Variants in CADPS observed in about 807,000 individuals in gnomAD.
CADPS encodes the protein calcium dependent secretion activator.
A neutral mutation model predicts 167.3 loss-of-function variants in CADPS; 57 were observed. That is an observed-to-expected ratio of 0.34 (90% confidence interval 0.28 to 0.42). The LOEUF (loss-of-function observed/expected upper bound fraction) is 0.42, where lower values mean the gene tolerates loss of function less well. CADPS is among the 20% of genes least tolerant of loss of function. The pLI is 1.00. For synonymous variants in CADPS, 676 were observed against 635.3 expected (o/e 1.06, Z -0.96); for missense variants, 1,414 against 1,738.1 (o/e 0.81, Z 3.32).
intron 4 of CADPS, among the ~76,000 whole-genome samples, chr3:62,660,592 C>G (rs893713423): frequency 1.3e-5 from 2 of 152,160 alleles, no homozygotes; most frequent in South Asian, 4.1e-4. Context: ...TCTGGCTTCT[C>G]CTCCAGTAGG....
At chr3:62,862,798 C>T (rs1189937682) in intron 1 of CADPS, among the ~76,000 whole-genome samples, 1 of 152,220 alleles carries the variant, frequency 6.6e-6, no homozygotes, top group Non-Finnish European at 1.5e-5. Flanking sequence ...GCCATTCTTA[C>T]TGTAAATTCA....
rs138306775 is a variant in CADPS at position 62,592,241 on chromosome 3, T to G, written c.1437+396A>C. 6.6e-5 allele frequency among the ~76,000 whole-genome samples: 10 copies of G among 152,334 alleles called. No individual in the cohort carries two copies. In the East Asian group the frequency reaches 1.9e-3, roughly 29 times the overall value. The stretch of plus-strand genomic sequence containing the variant: ...TTGAAGTTTTTTATTATTAATTTAC[T>G]TCCTTTTGTTTCTCTCTTATGTCAT... On this transcript the variant is annotated intron_variant, in intron 7 of 29. Coordinates refer to ENST00000383710, the MANE Select transcript of CADPS (RefSeq NM_003716.4).
intron 3 of CADPS, among the ~76,000 whole-genome samples, chr3:62,728,151 G>T (rs473942): frequency 1.3e-5 from 2 of 151,244 alleles, no homozygotes; most frequent in Non-Finnish European, 2.9e-5. Flanking sequence ...AAGTAATTGC[G>T]GTTTTTGCAA....
Position 62,456,524 on chromosome 3 carries a change from C to T in CADPS, c.3636+8843G>A, listed in dbSNP as rs148728262. ...TAGAAAAGTGTGAAAGACAAACAAG[C>T]ACCAAATGGAAACTTTCTTCTTGAC... On this transcript the variant is annotated intron_variant, in intron 26 of 29. Coordinates refer to ENST00000383710, the MANE Select transcript of CADPS (RefSeq NM_003716.4). Among the ~76,000 whole-genome samples the T allele has an allele frequency of 4.3e-3, 658 of 152,092 alleles. 6 individuals are homozygous for T. The highest frequency in any genetic ancestry group is 0.015 in the African/African-American group (620 of 41,504).
intron 6 of CADPS, among the ~76,000 whole-genome samples, chr3:62,614,598 A>G (rs1351321055): frequency 4.6e-5 from 7 of 152,154 alleles, no homozygotes; most frequent in African/African-American, 1.7e-4. Context: ...TCTTGTAAAC[A>G]TTTACGTTTG....
intron 23 of CADPS, among the ~76,000 whole-genome samples, chr3:62,474,903 T>A (rs534916819): frequency 3.3e-5 from 5 of 152,210 alleles, no homozygotes; most frequent in African/African-American, 1.2e-4. Context: ...CATAAAAAGG[T>A]AATACATCAA....
At chr3:62,729,188 C>T (rs1354678731) in intron 3 of CADPS, among the ~76,000 whole-genome samples, 1 of 151,812 alleles carries the variant, frequency 6.6e-6, no homozygotes, top group Non-Finnish European at 1.5e-5. Context: ...TTTCTTAGGA[C>T]CCAAATTGAT....
intron 2 of CADPS, among the ~76,000 whole-genome samples, chr3:62,763,404 T>A (rs958875191): frequency 6.6e-6 from 1 of 152,286 alleles, no homozygotes; most frequent in Non-Finnish European, 1.5e-5. Context: ...AAGATACCCA[T>A]CCCGCTGGTA....
intron 1 of CADPS, among the ~76,000 whole-genome samples, chr3:62,798,038 G>A (rs1052434901): frequency 1.3e-5 from 2 of 152,178 alleles, no homozygotes; most frequent in Admixed American, 6.5e-5. Flanking sequence ...GGATACAAAA[G>A]TGAGTATGAA....
At chr3:62,715,572 T>A (rs4688328) in intron 3 of CADPS, among the ~76,000 whole-genome samples, 96,282 of 150,228 alleles carry the variant, frequency 0.64, 31,219 homozygotes, top group East Asian at 0.77. Context: ...AATACTATAA[T>A]ACTTGCAGAT....
At chr3:62,754,863 C>T (rs2083502435) in intron 2 of CADPS, among the ~76,000 whole-genome samples, 3 of 152,108 alleles carry the variant, frequency 2.0e-5, no homozygotes, top group Admixed American at 1.3e-4. Context: ...CTATTTGTAC[C>T]TCCTTTTATC....
intron 7 of CADPS, 45 bp from the exon 8 acceptor site, chr3:62,585,369 T>C (rs1256295166): frequency 1.8e-5 from 28 of 1,572,758 alleles, no homozygotes; most frequent in Non-Finnish European, 2.2e-5. Context: ...GAAGCACCAT[T>C]ATGTTTTTAT....
At chr3:62,563,635 C>T (rs1187378299) in intron 9 of CADPS, among the ~76,000 whole-genome samples, 1 of 152,060 alleles carries the variant, frequency 6.6e-6, no homozygotes, top group African/African-American at 2.4e-5. Flanking sequence ...TTGGTGAACC[C>T]ATCTCCCAAT....
At chr3:62,518,083 A>G (rs1000672771) in intron 14 of CADPS, 66 bp downstream of exon 14, 25 of 1,075,334 alleles carry the variant, frequency 2.3e-5, no homozygotes, top group Non-Finnish European at 3.4e-5. Flanking sequence ...TTGGAAAATT[A>G]AGTCCTTTAG....
chr3:62,868,257 G>A (rs1007735372), intron 1 of CADPS, among the ~76,000 whole-genome samples: 4 of 152,070 alleles, frequency 2.6e-5, no homozygotes, highest in Non-Finnish European at 2.9e-5. Flanking sequence ...AGGGGCCAGG[G>A]TCAGATCAGT....
rs918287903 is a variant in CADPS, at chr3:62,468,956, G to A, written c.3478-2543C>T. On this transcript the variant is annotated intron_variant, in intron 24 of 29. Coordinates refer to ENST00000383710, the MANE Select transcript of CADPS (RefSeq NM_003716.4). ...AAATAATGAAACAATGCATGGAAAC[G>A]TGGTTTAGAAACTGAGAGGTGCTAT... is the stretch of plus-strand genomic sequence containing the variant. Among the ~76,000 whole-genome samples the A allele has an allele frequency of 5.3e-5, 8 of 152,092 alleles. No homozygotes were observed. The South Asian group carries it at 8.3e-4, about 16-fold the overall frequency.
At chr3:62,487,894 C>A (rs2063077803) in intron 21 of CADPS, among the ~76,000 whole-genome samples, 1 of 152,116 alleles carries the variant, frequency 6.6e-6, no homozygotes, top group Non-Finnish European at 1.5e-5. Context: ...GTAGCATTTT[C>A]TTGTCAGATT....
intron 28 of CADPS, among the ~76,000 whole-genome samples, chr3:62,425,951 C>T (rs1051769092): frequency 6.6e-6 from 1 of 152,188 alleles, no homozygotes; most frequent in Non-Finnish European, 1.5e-5. Context: ...GCTTCCATCT[C>T]ACTGGGATAT....
intron 7 of CADPS, among the ~76,000 whole-genome samples, chr3:62,588,451 G>C (rs761777044): frequency 6.6e-6 from 1 of 152,054 alleles, no homozygotes; most frequent in Non-Finnish European, 1.5e-5. Flanking sequence ...TGGACACAGA[G>C]GGCCTACAAT....
Sources: allele counts gnomAD v4.1 joint callset (sites outside exome capture counted in the v4.1 genomes callset), GRCh38; gene constraint gnomAD v4.1.1; transcripts MANE v1.5; gene names NCBI Gene and HGNC (gene_info 2026-07-23, HGNC 2026-07-21).